Variants in JTB observed in about 807,000 individuals in gnomAD.
The protein encoded by JTB is jumping translocation breakpoint.
A neutral mutation model predicts 22.1 loss-of-function variants in JTB; 10 were observed. The ratio of observed to expected loss-of-function variants is 0.45; its 90% CI spans 0.28 to 0.77. JTB has a LOEUF of 0.77. Among genes scored for constraint, JTB ranks in the 30% least tolerant of loss-of-function variants. JTB has a pLI of 0.13. For synonymous variants in JTB, 83 were observed against 66.8 expected (o/e 1.24, Z -1.18); for missense variants, 137 against 180.3 (o/e 0.76, Z 1.38).
Position 153,976,778 on chromosome 1 carries a change from G to T in JTB, c.122-3C>A. 2.5e-6 allele frequency: 4 copies of T among 1,614,078 alleles called. No homozygotes were observed. The highest frequency in any genetic ancestry group is 3.4e-6 in the Non-Finnish European group (4 of 1,179,940). ...GCATGGCAAATTTGAGGTGCTTGCT[G>T]AAAGGAAAGATAAATGCCAGCCCCA... is the stretch of plus-strand genomic sequence containing the variant. On this transcript the variant is annotated splice_polypyrimidine_tract_variant and splice_region_variant and intron_variant, in intron 2 of 4. Transcript: ENST00000271843.
chr1:153,977,434 G>A lies in JTB; in HGVS notation c.-182C>T. 2 of 1,379,606 alleles carry A rather than the reference G, an allele frequency of 1.4e-6. No homozygotes were observed. Among genetic ancestry groups the A allele is most frequent in the Non-Finnish European group, 1.9e-6 (2 of 1,070,354 alleles). 85.5% of individuals were successfully genotyped at this position (1,379,606 alleles called of 1,614,324 possible). On this transcript the variant is annotated 5_prime_UTR_variant, in exon 1 of 5. Transcript: ENST00000271843. ...ATCAGGACGTCCCCGTTGCCACAGC[G>A]AGAAAAATCGATATGTTTTTGCGGG...
intron 2 of JTB, 85 bp downstream of exon 2, chr1:153,976,891 T>A: frequency 1.2e-6 from 2 of 1,604,316 alleles, no homozygotes; most frequent in Non-Finnish European, 1.7e-6. Context: ...GCCGGCCTTT[T>A]CCACCTGTGC....
rs1648843154 is a variant in JTB at position 153,977,577 on chromosome 1, C to T, written c.-325G>A. On this transcript the variant is annotated 5_prime_UTR_variant, in exon 1 of 5. Coordinates refer to ENST00000271843, the MANE Select transcript of JTB (RefSeq NM_006694.4). Reference sequence around the variant, plus strand: ...CCGCCCCCGACGCAGCCATCTAGCCCCGTGGAGGATCCTCGGGCGCGGGAC... The same window carrying T: ...CCGCCCCCGACGCAGCCATCTAGCCTCGTGGAGGATCCTCGGGCGCGGGAC... 9.5e-7 allele frequency: 1 copy of T among 1,057,682 alleles called. No individual in the cohort carries two copies. The highest frequency in any genetic ancestry group is 1.1e-6 in the Non-Finnish European group (1 of 874,714). 65.5% of individuals were successfully genotyped at this position (1,057,682 alleles called of 1,614,324 possible).
chr1:153,977,260 C>G lies in JTB; in HGVS notation c.-8G>C, dbSNP rs985193693. The G allele has an allele frequency of 6.2e-7, 1 of 1,613,864 alleles. No homozygotes were observed. Among genetic ancestry groups the G allele is most frequent in the African/African-American group, 1.3e-5 (1 of 75,068 alleles). On this transcript the variant is annotated 5_prime_UTR_variant, in exon 1 of 5. Coordinates refer to ENST00000271843, the MANE Select transcript of JTB (RefSeq NM_006694.4). ...CCCGGCACCCGCAAGCATGGAGCGC[C>G]AAGTGTCGCACCTGTCGGAACAGAG...
rs1218785117 is a variant in JTB, at chr1:153,977,464, G to A, written c.-212C>T. The A allele has an allele frequency of 1.5e-6, 2 of 1,316,496 alleles. No individual in the cohort carries two copies. The highest frequency in any genetic ancestry group is 3.0e-5 in the African/African-American group (2 of 66,098). The allele number at this position is 1,316,496 out of a possible 1,614,324, so 81.6% of individuals were successfully genotyped here. On this transcript the variant is annotated 5_prime_UTR_variant, in exon 1 of 5. Coordinates refer to ENST00000271843, the MANE Select transcript of JTB (RefSeq NM_006694.4). ...AAATCGATATGTTTTTGCGGGCTAG[G>A]GAGGCGAGCGCCTTCTGCGGGGTCC...
chr1:153,977,525 G>C lies in JTB; in HGVS notation c.-273C>G. On this transcript the variant is annotated 5_prime_UTR_variant, in exon 1 of 5. Transcript: ENST00000271843. The stretch of plus-strand genomic sequence containing the variant: ...GGAGGAAGGGCCGGCGGGGGCTCGC[G>C]GCCCTAGCGCCCGCTCACCTCCGCT... 1 of 1,166,854 alleles carries C rather than the reference G, an allele frequency of 8.6e-7. No individual in the cohort carries two copies. Among genetic ancestry groups the C allele is most frequent in the South Asian group, 2.4e-5 (1 of 42,086 alleles). The allele number at this position is 1,166,854 out of a possible 1,614,324, so 72.3% of individuals were successfully genotyped here. A position where few individuals can be genotyped will look rare whatever the true frequency, so the allele number is the denominator to read the frequency against.
rs967132846 is a variant in JTB at position 153,974,581 on chromosome 1, C to T, written c.*98G>A. 4 of 1,015,864 alleles carry T rather than the reference C, an allele frequency of 3.9e-6. No individual in the cohort carries two copies. The African/African-American group carries it at 6.4e-5, about 16-fold the overall frequency. 62.9% of individuals were successfully genotyped at this position (1,015,864 alleles called of 1,614,324 possible). ...GAAGATGGGGAAAAGGGGATTCCAC[C>T]ACAAGGCTCCAAAGAACCAAGAGTG... is the stretch of plus-strand genomic sequence containing the variant. On this transcript the variant is annotated 3_prime_UTR_variant, in exon 5 of 5. Coordinates refer to ENST00000271843, the MANE Select transcript of JTB (RefSeq NM_006694.4).
chr1:153,977,494 G>A lies in JTB; in HGVS notation c.-242C>T, dbSNP rs1648839364. The stretch of plus-strand genomic sequence containing the variant: ...CGAGCGCCTTCTGCGGGGTCCGCAG[G>A]GCGCTGGAGGAAGGGCCGGCGGGGG... On this transcript the variant is annotated 5_prime_UTR_variant, in exon 1 of 5. Transcript: ENST00000271843. 3.2e-6 allele frequency: 4 copies of A among 1,231,844 alleles called. No homozygotes were observed. Among genetic ancestry groups the A allele is most frequent in the East Asian group, 3.9e-5 (1 of 25,714 alleles). The allele number at this position is 1,231,844 out of a possible 1,614,324, so 76.3% of individuals were successfully genotyped here. A position where few individuals can be genotyped will look rare whatever the true frequency, so the allele number is the denominator to read the frequency against.
At position 153,977,378 on chromosome 1, in the gene JTB, G is replaced by A; in HGVS notation, c.-126C>T. ...AGAGGTTCCAGGTCAGGGCAGGGAA[G>A]GCCGGAGTTGCCTATTGGAGCAGAG... On this transcript the variant is annotated 5_prime_UTR_variant, in exon 1 of 5. Transcript: ENST00000271843. The A allele has an allele frequency of 6.8e-6, 10 of 1,460,598 alleles. No homozygotes were observed. The South Asian group carries it at 1.1e-4, about 17-fold the overall frequency. 90.5% of individuals were successfully genotyped at this position (1,460,598 alleles called of 1,614,324 possible). A position where few individuals can be genotyped will look rare whatever the true frequency, so the allele number is the denominator to read the frequency against.
chr1:153,974,367 C>A lies in JTB; in HGVS notation c.*312G>T. 1 of 412,850 alleles carries A rather than the reference C, an allele frequency of 2.4e-6. No individual in the cohort carries two copies. The highest frequency in any genetic ancestry group is 4.3e-6 in the Non-Finnish European group (1 of 230,810). 25.6% of individuals were successfully genotyped at this position (412,850 alleles called of 1,614,324 possible). A position where few individuals can be genotyped will look rare whatever the true frequency, so the allele number is the denominator to read the frequency against. ...TAAACGTTTTAGCTGAAATTGTATC[C>A]CAGAAGTTTGAAATAAGTAGTAGAA... On this transcript the variant is annotated 3_prime_UTR_variant, in exon 5 of 5. Transcript: ENST00000271843.
At chr1:153,976,452 C>T (rs750304781) in intron 3 of JTB, among the ~76,000 whole-genome samples, 12 of 152,146 alleles carry the variant, frequency 7.9e-5, no homozygotes, top group Non-Finnish European at 1.5e-4. Context: ...CAGAGTGAGA[C>T]TCCGTCTCAA....
Position 153,974,822 on chromosome 1 carries a change from A to G in JTB, c.298T>C (p.Leu100=). The G allele has an allele frequency of 6.2e-7, 1 of 1,606,844 alleles. No individual in the cohort carries two copies. Among genetic ancestry groups the G allele is most frequent in the Non-Finnish European group, 8.5e-7 (1 of 1,173,896 alleles). The change falls in exon 5 of 5, where the codon TTG becomes CTG. Residue 100 remains leucine (L), a synonymous_variant. Transcript: ENST00000271843. ...RNEFKSCRSA[L]MEQRLFWKFE... ...TTCCAAAATAAGCGTTGTTCCATCA[A>G]AGCTGAGCGGCAGCTGAGGGCAGGA...
chr1:153,976,723 T>C lies in JTB; in HGVS notation c.174A>G (p.Glu58=), dbSNP rs758031022. The C allele has an allele frequency of 6.2e-7, 1 of 1,613,888 alleles. No individual in the cohort carries two copies. The highest frequency in any genetic ancestry group is 1.7e-5 in the Admixed American group (1 of 60,004). ...GGAAATTAGAGCATGGAGAGCACTC[T>C]TCTGCTACCACAAACTCTTCCACCA... is the stretch of plus-strand genomic sequence containing the variant. ...CWLVEEFVVA[E]ECSPCSNFRA... is the part of the protein sequence containing the mutation. The change falls in exon 3 of 5, where the codon GAA becomes GAG. Residue 58 remains glutamate, a synonymous_variant. Coordinates refer to ENST00000271843, the MANE Select transcript of JTB (RefSeq NM_006694.4).
At chr1:153,976,903 C>T in intron 2 of JTB, 73 bp downstream of exon 2, 1 of 1,607,074 alleles carries the variant, frequency 6.2e-7, no homozygotes, top group Non-Finnish European at 8.5e-7. Context: ...CACCTGTGCT[C>T]TTGGTATATG....
At chr1:153,976,293 T>C (rs1008091717) in intron 3 of JTB, among the ~76,000 whole-genome samples, 1 of 151,684 alleles carries the variant, frequency 6.6e-6, no homozygotes, top group Non-Finnish European at 1.5e-5. Flanking sequence ...GAAACCCGAG[T>C]CTACTAAAAA....
chr1:153,977,132 C>T, intron 1 of JTB, 38 bp downstream of exon 1: 2 of 1,613,972 alleles, frequency 1.2e-6, no homozygotes, highest in Non-Finnish European at 1.7e-6. Flanking sequence ...TCCTGTCCTC[C>T]AGTGACCTCC....
rs1210305122 is a variant in JTB at position 153,977,462 on chromosome 1, A to C, written c.-210T>G. Reference sequence around the variant, plus strand: ...AAAAATCGATATGTTTTTGCGGGCTAGGGAGGCGAGCGCCTTCTGCGGGGT... The same window carrying C: ...AAAAATCGATATGTTTTTGCGGGCTCGGGAGGCGAGCGCCTTCTGCGGGGT... On this transcript the variant is annotated 5_prime_UTR_variant, in exon 1 of 5. Coordinates refer to ENST00000271843, the MANE Select transcript of JTB (RefSeq NM_006694.4). 2.3e-6 allele frequency: 3 copies of C among 1,309,250 alleles called. No individual in the cohort carries two copies. Among genetic ancestry groups the C allele is most frequent in the Non-Finnish European group, 2.9e-6 (3 of 1,028,148 alleles). 81.1% of individuals were successfully genotyped at this position (1,309,250 alleles called of 1,614,324 possible). A position where few individuals can be genotyped will look rare whatever the true frequency, so the allele number is the denominator to read the frequency against.
Position 153,974,685 on chromosome 1 carries a change from G to A in JTB, c.435C>T (p.Ser145=). ...ATACAAGGGTGGAATGTAGCTATAT[G>A]GACTCGATTTGCTTCCGGACCTTTT... The part of the protein sequence containing the change: ...ALEKVRKQIE[S]I The change falls in exon 5 of 5, where the codon TCC becomes TCT. Residue 145 remains serine (S), a synonymous_variant. Coordinates refer to ENST00000271843, the MANE Select transcript of JTB (RefSeq NM_006694.4). The A allele has an allele frequency of 6.2e-7, 1 of 1,612,120 alleles. No homozygotes were observed. The highest frequency in any genetic ancestry group is 1.1e-5 in the South Asian group (1 of 91,042).
chr1:153,974,769 G>C lies in JTB; in HGVS notation c.351C>G (p.Ala117=). ...TGATGACAAGACAAGCGAAGATCAG[G>C]GCCACACACACGACAGCCCCTTCGA... is the stretch of plus-strand genomic sequence containing the variant. ...WKFEGAVVCV[A]LIFACLVIIR... is the part of the protein sequence containing the mutation. Residue 117 remains alanine (A), a synonymous_variant, in exon 5 of 5, where the codon GCC becomes GCG. Coordinates refer to ENST00000271843, the MANE Select transcript of JTB (RefSeq NM_006694.4). 2 of 1,613,722 alleles carry C rather than the reference G, an allele frequency of 1.2e-6. No individual in the cohort carries two copies. The highest frequency in any genetic ancestry group is 1.7e-6 in the Non-Finnish European group (2 of 1,179,700).
Sources: allele counts gnomAD v4.1 joint callset (sites outside exome capture counted in the v4.1 genomes callset), GRCh38; gene constraint gnomAD v4.1.1; transcripts MANE v1.5; gene names NCBI Gene and HGNC (gene_info 2026-07-23, HGNC 2026-07-21).